Variants in TMEM126A observed in about 807,000 individuals in gnomAD.
TMEM126A encodes the protein transmembrane protein 126A.
In TMEM126A, 10 loss-of-function variants were observed where a neutral mutation model predicts 18.3. The observed-to-expected ratio is 0.55, with a 90% CI of 0.34 to 0.93. The LOEUF is 0.93. Ranked by LOEUF, TMEM126A falls within the 40% of genes least tolerant of loss-of-function variation. The probability of loss-of-function intolerance (pLI) is 0.02; values close to 1 mark genes in which losing one functional copy is unlikely to be tolerated. For synonymous variants in TMEM126A, 68 were observed against 78.1 expected, an observed-to-expected ratio of 0.87 and a Z score of 0.68; for missense variants, 246 against 230.2, an observed-to-expected ratio of 1.07 and a Z score of -0.44.
intron 2 of TMEM126A, among the ~76,000 whole-genome samples, chr11:85,652,683 GAAA>G (rs1291173765): frequency 1.3e-5 from 2 of 152,056 alleles, no homozygotes; most frequent in Non-Finnish European, 2.9e-5. Context: ...TTAGCTATGG[GAAA>G]AATCTGGTTG....
intron 3 of TMEM126A, 56 bp downstream of exon 3, chr11:85,654,312 CT>C: frequency 6.6e-7 from 1 of 1,523,186 alleles, no homozygotes; most frequent in South Asian, 1.1e-5. Context: ...TTATTTGCAG[CT>C]TTAGTCCATA....
intron 1 of TMEM126A, among the ~76,000 whole-genome samples, chr11:85,649,845 C>A (rs900640236): frequency 1.3e-5 from 2 of 152,180 alleles, no homozygotes; most frequent in Admixed American, 6.5e-5. Flanking sequence ...GGGCTGCTTA[C>A]CTTTTTCATG....
At chr11:85,648,501 ATTTG>A (rs2082476974) in intron 1 of TMEM126A, among the ~76,000 whole-genome samples, 1 of 152,262 alleles carries the variant, frequency 6.6e-6, no homozygotes, top group African/African-American at 2.4e-5. Context: ...TTTGATAGAT[ATTTG>A]TTATTAATAT....
chr11:85,654,590 T>TAC (rs202235571), intron 3 of TMEM126A, among the ~76,000 whole-genome samples: 2,281 of 152,272 alleles, frequency 0.015, 29 homozygotes, highest in Non-Finnish European at 0.024. Context: ...TAGCTGGGAT[T>TAC]ACAGGTGCCC....
intron 1 of TMEM126A, among the ~76,000 whole-genome samples, chr11:85,649,001 C>A (rs889281338): frequency 5.5e-5 from 8 of 145,464 alleles, no homozygotes; most frequent in African/African-American, 2.1e-4. Context: ...GTGGCGAGAT[C>A]TCGGCACACT....
At chr11:85,653,475 G>A (rs560651545) in intron 2 of TMEM126A, among the ~76,000 whole-genome samples, 6 of 152,128 alleles carry the variant, frequency 3.9e-5, no homozygotes, top group Non-Finnish European at 7.4e-5. Flanking sequence ...ATCATGTTAG[G>A]TATTACTTTT....
intron 1 of TMEM126A, among the ~76,000 whole-genome samples, chr11:85,649,483 C>T (rs1184070505): frequency 6.6e-6 from 1 of 152,142 alleles, no homozygotes; most frequent in East Asian, 1.9e-4. Flanking sequence ...TTACATCTGG[C>T]CCTTTAAAGT....
chr11:85,652,077 T>C (rs911694198), intron 2 of TMEM126A, among the ~76,000 whole-genome samples: 2 of 152,216 alleles, frequency 1.3e-5, no homozygotes, highest in Admixed American at 6.5e-5. Context: ...GGCACGAGAA[T>C]TGTTTGAACC....
chr11:85,650,367 C>T (rs761470032), intron 2 of TMEM126A, 26 bp downstream of exon 2: 9 of 1,463,102 alleles, frequency 6.2e-6, no homozygotes, highest in Non-Finnish European at 8.6e-6. Context: ...AATTTAAAAA[C>T]ACCTTTTATC....
intron 3 of TMEM126A, among the ~76,000 whole-genome samples, chr11:85,654,858 TTA>T (rs1331168067): frequency 6.7e-6 from 1 of 149,942 alleles, no homozygotes; most frequent in East Asian, 1.9e-4. Context: ...TATGGAAATA[TTA>T]TATATATACA....
At chr11:85,650,421 T>G in intron 2 of TMEM126A, 80 bp downstream of exon 2, 3 of 1,073,996 alleles carry the variant, frequency 2.8e-6, no homozygotes, top group Non-Finnish European at 4.3e-6. Flanking sequence ...GTTTATCTGG[T>G]TTGAGTATAA....
At chr11:85,650,078 T>G (rs2082487683) in intron 1 of TMEM126A, among the ~76,000 whole-genome samples, 171 bp from the exon 2 acceptor site, 1 of 152,222 alleles carries the variant, frequency 6.6e-6, no homozygotes, top group African/African-American at 2.4e-5. Context: ...CCTAAAAGCT[T>G]TATGTGTTGC....
At chr11:85,651,869 TAA>T (rs2082502992) in intron 2 of TMEM126A, among the ~76,000 whole-genome samples, 1 of 152,054 alleles carries the variant, frequency 6.6e-6, no homozygotes, top group African/African-American at 2.4e-5. Context: ...GAAAGACTAA[TAA>T]AAGAGTAGTA....
chr11:85,653,936 G>C, intron 2 of TMEM126A, 127 bp from the exon 3 acceptor site: 1 of 1,089,286 alleles, frequency 9.2e-7, no homozygotes. Context: ...TTAAGATTTT[G>C]GTTCTATAAG....
At chr11:85,649,661 CAAT>C (rs894183768) in intron 1 of TMEM126A, among the ~76,000 whole-genome samples, 4 of 152,200 alleles carry the variant, frequency 2.6e-5, no homozygotes, top group African/African-American at 9.7e-5. Flanking sequence ...GCATTCTTGC[CAAT>C]AATTGGAATT....
intron 4 of TMEM126A, 145 bp from the exon 5 acceptor site, chr11:85,656,164 G>C: frequency 1.3e-6 from 1 of 754,524 alleles, no homozygotes. Flanking sequence ...AGAAACAAAA[G>C]TTTTTAGGAT....
chr11:85,650,239 G>A lies in TMEM126A; in HGVS notation c.-7-10G>A. Reference sequence around the variant, plus strand: ...AATTCTTGAGAAATGATATCTTCATGTTTTTTAAGGCTCAAAATGGAAAAT... The same window carrying A: ...AATTCTTGAGAAATGATATCTTCATATTTTTTAAGGCTCAAAATGGAAAAT... On this transcript the variant is annotated splice_polypyrimidine_tract_variant and intron_variant, in intron 1 of 4. Coordinates refer to ENST00000304511, the MANE Select transcript of TMEM126A (RefSeq NM_032273.4). The A allele has an allele frequency of 6.6e-7, 1 of 1,525,732 alleles. No homozygotes were observed. Among genetic ancestry groups the A allele is most frequent in the Non-Finnish European group, 9.0e-7 (1 of 1,105,890 alleles). The allele number at this position is 1,525,732 out of a possible 1,614,324, so 94.5% of individuals were successfully genotyped here.
intron 2 of TMEM126A, among the ~76,000 whole-genome samples, chr11:85,651,120 A>AACAT (rs1426905665): frequency 6.6e-6 from 1 of 151,050 alleles, no homozygotes; most frequent in Non-Finnish European, 1.5e-5. Context: ...CAATATAGGG[A>AACAT]ACATACTAAT....
At chr11:85,649,421 T>A (rs541887738) in intron 1 of TMEM126A, among the ~76,000 whole-genome samples, 97 of 152,324 alleles carry the variant, frequency 6.4e-4, no homozygotes, top group African/African-American at 2.1e-3. Context: ...ATAGTTTTTT[T>A]AAAAACAAAT....
Sources: gnomAD v4.1 joint callset for allele counts (sites outside exome capture counted in the v4.1 genomes callset) on GRCh38, gnomAD v4.1.1 for gene constraint, MANE v1.5 for transcripts, NCBI Gene and HGNC (gene_info 2026-07-23, HGNC 2026-07-21) for gene names.